Variants in EVA1A observed in about 807,000 individuals in gnomAD.
EVA1A encodes the protein protein eva-1 homolog A.
EVA1A carries 7 observed loss-of-function variants against 9.8 expected under a neutral mutation model. That is an observed-to-expected ratio of 0.71 (90% CI 0.41 to 1.34). The LOEUF is 1.34. EVA1A is among the 40% of genes most tolerant of loss of function. The pLI is 0.01. For synonymous variants in EVA1A, 90 were observed against 85.6 expected, an observed-to-expected ratio of 1.05 and a Z score of -0.28; for missense variants, 206 against 205.9, an observed-to-expected ratio of 1.00 and a Z score of 0.00.
At chr2:75,535,926 T>C (rs1485064161) in intron 1 of EVA1A, among the ~76,000 whole-genome samples, 2 of 152,134 alleles carry the variant, frequency 1.3e-5, no homozygotes, top group South Asian at 2.1e-4. Flanking sequence ...TCTAAAGCTA[T>C]TGAAATAAAA....
chr2:75,504,334 C>G (rs1674534034), intron 3 of EVA1A, among the ~76,000 whole-genome samples: 1 of 152,096 alleles, frequency 6.6e-6, no homozygotes, highest in South Asian at 2.1e-4. Context: ...TCGTTTGAAC[C>G]CAGGAGGCAG....
At chr2:75,511,438 T>C (rs1008649852) in intron 3 of EVA1A, among the ~76,000 whole-genome samples, 1 of 152,182 alleles carries the variant, frequency 6.6e-6, no homozygotes, top group Non-Finnish European at 1.5e-5. Flanking sequence ...AATGGAATAA[T>C]ACATAGTTGT....
chr2:75,553,102 G>C (rs1676581893), intron 1 of EVA1A, among the ~76,000 whole-genome samples: 1 of 152,172 alleles, frequency 6.6e-6, no homozygotes, highest in South Asian at 2.1e-4. Context: ...CCTTCTTGAA[G>C]CAGCCCTGGT....
In EVA1A at chr2:75,493,418, A is replaced by G; in HGVS notation, c.277T>C (p.Ser93Pro). Residue 93 changes from serine to proline, a missense_variant, in exon 4 of 4, where the codon TCC (serine) becomes CCC (proline). Transcript: ENST00000393913. ...CGGTGTCTCCGCACGGAGAGATCGG[A>G]CACGGTGTCCTCACTGCCATCCTCG... is the stretch of plus-strand genomic sequence containing the variant. Reference protein sequence around the residue: ...DSEDGSEDTVSDLSVRRHRRF... With the variant: ...DSEDGSEDTVPDLSVRRHRRF... 6.2e-7 allele frequency: 1 copy of G among 1,614,194 alleles called. No homozygotes were observed. The highest frequency in any genetic ancestry group is 8.5e-7 in the Non-Finnish European group (1 of 1,180,034).
chr2:75,566,611 G>A (rs181631328), intron 1 of EVA1A, among the ~76,000 whole-genome samples: 69 of 152,248 alleles, frequency 4.5e-4, no homozygotes, highest in African/African-American at 1.6e-3. Flanking sequence ...TTGTGGAGTG[G>A]GGGTTTATCT....
chr2:75,560,504 A>AGT (rs1257803804), intron 1 of EVA1A, among the ~76,000 whole-genome samples, 176 bp downstream of exon 1: 17 of 152,198 alleles, frequency 1.1e-4, no homozygotes, highest in Non-Finnish European at 2.4e-4. Flanking sequence ...TGGGAAGCAG[A>AGT]GTTCCCTGTG....
At chr2:75,566,486 A>G (rs1677031376) in intron 1 of EVA1A, among the ~76,000 whole-genome samples, 1 of 152,264 alleles carries the variant, frequency 6.6e-6, no homozygotes, top group African/African-American at 2.4e-5. Context: ...TAAGCCACAC[A>G]GCTAAGTTTC....
intron 1 of EVA1A, among the ~76,000 whole-genome samples, chr2:75,549,144 G>T (rs1009064618): frequency 6.6e-6 from 1 of 152,048 alleles, no homozygotes; most frequent in East Asian, 1.9e-4. Flanking sequence ...GGTTGGATGG[G>T]CAGAAGCACC....
At chr2:75,538,936 G>A (rs1257450751) in intron 1 of EVA1A, among the ~76,000 whole-genome samples, 3 of 152,170 alleles carry the variant, frequency 2.0e-5, no homozygotes, top group Non-Finnish European at 4.4e-5. Context: ...CTGTATCAAT[G>A]TCAACATCCC....
chr2:75,524,637 A>C (rs746570684), intron 1 of EVA1A, among the ~76,000 whole-genome samples: 19 of 152,104 alleles, frequency 1.2e-4, no homozygotes, highest in Non-Finnish European at 2.1e-4. Context: ...CTGACATCTT[A>C]CTTTCTCACT....
In EVA1A at chr2:75,493,157, C is replaced by T; in HGVS notation, c.*79G>A. 1 of 1,513,850 alleles carries T rather than the reference C, an allele frequency of 6.6e-7. No individual in the cohort carries two copies. The highest frequency in any genetic ancestry group is 8.9e-7 in the Non-Finnish European group (1 of 1,127,734). The allele number at this position is 1,513,850 out of a possible 1,614,324, so 93.8% of individuals were successfully genotyped here. On this transcript the variant is annotated 3_prime_UTR_variant, in exon 4 of 4. Coordinates refer to ENST00000393913, the MANE Select transcript of EVA1A (RefSeq NM_001135032.2). ...ATCACAATATTAGCAGAGCTGGGTT[C>T]AGTTCCTTGTGCCCACTGTCCCTGC... is the stretch of plus-strand genomic sequence containing the variant.
chr2:75,558,960 G>C (rs1676820931), intron 1 of EVA1A, among the ~76,000 whole-genome samples: 2 of 152,194 alleles, frequency 1.3e-5, no homozygotes, highest in African/African-American at 2.4e-5. Context: ...CGCATGACCT[G>C]CTGTGGATTT....
At chr2:75,522,044 T>C (rs1350572933) in intron 2 of EVA1A, among the ~76,000 whole-genome samples, 1 of 152,222 alleles carries the variant, frequency 6.6e-6, no homozygotes, top group African/African-American at 2.4e-5. Flanking sequence ...AGAGATGTTA[T>C]TGCATTTATT....
At position 75,517,880 on chromosome 2, in the gene EVA1A, A is replaced by G. The variant is rs1170048163; in HGVS notation, c.85+176T>C. 5.1e-6 allele frequency: 4 copies of G among 780,548 alleles called. No individual in the cohort carries two copies. In the African/African-American group the frequency reaches 6.9e-5, roughly 13 times the overall value. The allele number at this position is 780,548 out of a possible 1,614,324, so 48.4% of individuals were successfully genotyped here. A position where few individuals can be genotyped will look rare whatever the true frequency, so the allele number is the denominator to read the frequency against. ...CCTTCATTTTTCAAATTAGAGAATG[A>G]CAAGCTTAACTCCCAACCTGGAGAC... On this transcript the variant is annotated intron_variant, in intron 3 of 3. Coordinates refer to ENST00000393913, the MANE Select transcript of EVA1A (RefSeq NM_001135032.2).
chr2:75,511,914 G>A (rs1409708640), intron 3 of EVA1A, among the ~76,000 whole-genome samples: 1 of 152,128 alleles, frequency 6.6e-6, no homozygotes. Context: ...AAGGTGATAA[G>A]GAGGAAAGAA....
intron 1 of EVA1A, among the ~76,000 whole-genome samples, chr2:75,569,017 T>C (rs1471954949): frequency 6.6e-6 from 1 of 152,228 alleles, no homozygotes; most frequent in African/African-American, 2.4e-5. Flanking sequence ...CTGGATTGAA[T>C]GGTAGTTCTA....
chr2:75,492,499 C>A lies in EVA1A; in HGVS notation c.*737G>T, dbSNP rs1404369306. The A allele has an allele frequency of 6.6e-6, 1 of 150,800 alleles. No homozygotes were observed. The highest frequency in any genetic ancestry group is 1.5e-5 in the Non-Finnish European group (1 of 67,802). 9.3% of individuals were successfully genotyped at this position (150,800 alleles called of 1,614,324 possible). A position where few individuals can be genotyped will look rare whatever the true frequency, so the allele number is the denominator to read the frequency against. Reference sequence around the variant, plus strand: ...CTTGTCTCCAAAGAGGGGGAAAACACACCACTTTTATTTTTATGCAGCATT... The same window carrying A: ...CTTGTCTCCAAAGAGGGGGAAAACAAACCACTTTTATTTTTATGCAGCATT... On this transcript the variant is annotated 3_prime_UTR_variant, in exon 4 of 4. Coordinates refer to ENST00000393913, the MANE Select transcript of EVA1A (RefSeq NM_001135032.2).
chr2:75,499,720 A>C (rs913151195), intron 3 of EVA1A, among the ~76,000 whole-genome samples: 1 of 152,164 alleles, frequency 6.6e-6, no homozygotes, highest in African/African-American at 2.4e-5. Context: ...GGAAGGAATA[A>C]GGTCATTCTA....
intron 3 of EVA1A, among the ~76,000 whole-genome samples, chr2:75,498,202 C>A (rs549318632): frequency 2.0e-5 from 3 of 150,754 alleles, no homozygotes; most frequent in Admixed American, 6.6e-5. Flanking sequence ...AGCTGAAGGC[C>A]ATTATCTTAA....
Sources: gnomAD v4.1 joint callset for allele counts (sites outside exome capture counted in the v4.1 genomes callset) on GRCh38, gnomAD v4.1.1 for gene constraint, MANE v1.5 for transcripts, NCBI Gene and HGNC (gene_info 2026-07-23, HGNC 2026-07-21) for gene names.